The following NECTIN1 variants were observed in gnomAD, a reference collection of about 807,000 sequenced individuals.
NECTIN1 encodes nectin cell adhesion molecule 1.
NECTIN1 carries 23 observed loss-of-function variants against 48.0 expected under a neutral mutation model. The observed-to-expected ratio is 0.48, with a 90% CI of 0.34 to 0.68. The LOEUF is 0.68. Among genes scored for constraint, NECTIN1 ranks in the 30% least tolerant of loss-of-function variants. The pLI is 0.01. For synonymous variants in NECTIN1, 270 were observed against 288.9 expected, an observed-to-expected ratio of 0.93 and a Z score of 0.66; for missense variants, 591 against 709.9, an observed-to-expected ratio of 0.83 and a Z score of 1.90.
chr11:119,642,343 G>T (rs1189367966), intron 5 of NECTIN1: 1 of 152,240 alleles, frequency 6.6e-6, no homozygotes, highest in East Asian at 1.9e-4. Context: ...ATTTCCAGAG[G>T]GCTAGGGTGG....
At chr11:119,670,808 G>A (rs934370421) in intron 5 of NECTIN1, among the ~76,000 whole-genome samples, 1 of 151,882 alleles carries the variant, frequency 6.6e-6, no homozygotes, top group African/African-American at 2.4e-5. Flanking sequence ...TGCCACACCC[G>A]GCTAATATTT....
chr11:119,681,928 G>C (rs568126122), intron 1 of NECTIN1, among the ~76,000 whole-genome samples: 2 of 152,292 alleles, frequency 1.3e-5, no homozygotes, highest in African/African-American at 4.8e-5. Context: ...CAGGGCCAGG[G>C]GAGGTGACCC....
rs1175837262 is a variant in NECTIN1 at position 119,661,099 on chromosome 11, C to A, written c.*3648G>T. 2 of 984,998 alleles carry A rather than the reference C, an allele frequency of 2.0e-6. No individual in the cohort carries two copies. Among genetic ancestry groups the A allele is most frequent in the Non-Finnish European group, 2.4e-6 (2 of 829,332 alleles). The allele number at this position is 984,998 out of a possible 1,614,324, so 61.0% of individuals were successfully genotyped here. ...GTAAAAGGGGGTGATGCAAACACCC[C>A]CCAGGTCAGAACCAGGAGGATCTGC... On this transcript the variant is annotated 3_prime_UTR_variant, in exon 6 of 6. Coordinates refer to ENST00000264025, the MANE Select transcript of NECTIN1 (RefSeq NM_002855.5).
At chr11:119,674,511 TG>T in intron 5 of NECTIN1, 1 of 1,608,886 alleles carries the variant, frequency 6.2e-7, no homozygotes, top group Admixed American at 1.7e-5. Context: ...GTTTTACAGA[TG>T]GTGGGGGGGG....
At chr11:119,671,320 C>A (rs561398391) in intron 5 of NECTIN1, among the ~76,000 whole-genome samples, 5 of 152,126 alleles carry the variant, frequency 3.3e-5, no homozygotes, top group Admixed American at 6.5e-5. Context: ...CTGGCAGGGG[C>A]CCAGCCAGCC....
At chr11:119,717,438 C>G (rs1016464818) in intron 1 of NECTIN1, among the ~76,000 whole-genome samples, 10 of 152,178 alleles carry the variant, frequency 6.6e-5, no homozygotes, top group Admixed American at 6.5e-5. Context: ...GCAGGGCTGG[C>G]CACCCTGCCC....
Position 119,655,058 on chromosome 11 carries a change from C to T in NECTIN1, c.1004-15046G>A, listed in dbSNP as rs1479106674. On this transcript the variant is annotated intron_variant, in intron 5 of 7. Transcript: ENST00000341398. ...CTGAGTAGCTGGGATTACAGGCACC[C>T]ACCACCACGCCTGGCTAATTTTTTG... Among the ~76,000 whole-genome samples, 12 of 151,904 alleles carry T rather than the reference C, an allele frequency of 7.9e-5. No homozygotes were observed. In the South Asian group the frequency reaches 2.3e-3, roughly 29 times the overall value.
At chr11:119,691,242 G>A (rs1422519765) in intron 1 of NECTIN1, among the ~76,000 whole-genome samples, 2 of 152,204 alleles carry the variant, frequency 1.3e-5, no homozygotes, top group African/African-American at 2.4e-5. Context: ...ACCACAGAAC[G>A]AAGCAAACTC....
intron 5 of NECTIN1, among the ~76,000 whole-genome samples, chr11:119,644,232 G>T (rs530123961): frequency 6.6e-6 from 1 of 152,312 alleles, no homozygotes; most frequent in African/African-American, 2.4e-5. Flanking sequence ...TGGTTAGGGG[G>T]TAAACACAGA....
chr11:119,641,027 TACTCACTCACTCCCTCCTCATTC>T (rs1565373539), intron 5 of NECTIN1: 1 of 152,156 alleles, frequency 6.6e-6, no homozygotes, highest in Admixed American at 6.5e-5. Context: ...CTCACTCACT[TACTCACTCACTCCCTCCTCATTC>T]ACTCACTCAC....
chr11:119,709,090 C>A lies in NECTIN1; in HGVS notation c.79+19385G>T, dbSNP rs1865593985. ...CACATAGCCAACATATCGCACATAT[C>A]CTGCATGAGATGCCTGGGACCAGAG... On this transcript the variant is annotated intron_variant, in intron 1 of 5. Transcript: ENST00000264025. This position sits in a 1 kb window ranked among gnomAD's most constrained non-coding sequence, Gnocchi z 4.1. 6.6e-6 allele frequency among the ~76,000 whole-genome samples: 1 copy of A among 152,056 alleles called. No individual in the cohort carries two copies. Among genetic ancestry groups the A allele is most frequent in the Non-Finnish European group, 1.5e-5 (1 of 67,992 alleles).
At chr11:119,695,521 A>T (rs559246509) in intron 1 of NECTIN1, among the ~76,000 whole-genome samples, 52 of 152,312 alleles carry the variant, frequency 3.4e-4, no homozygotes, top group African/African-American at 1.1e-3. Context: ...CCCGGCACGC[A>T]GTAGGCCCTG....
chr11:119,662,803 A>G lies in NECTIN1; in HGVS notation c.*1944T>C. 1 of 986,270 alleles carries G rather than the reference A, an allele frequency of 1.0e-6. No homozygotes were observed. The allele number at this position is 986,270 out of a possible 1,614,324, so 61.1% of individuals were successfully genotyped here. A position where few individuals can be genotyped will look rare whatever the true frequency, so the allele number is the denominator to read the frequency against. On this transcript the variant is annotated 3_prime_UTR_variant, in exon 6 of 6. Transcript: ENST00000264025. The surrounding 1 kb of genome is among the most constrained non-coding windows in gnomAD (Gnocchi z 5.3). ...GCCCTGTGGCTGGAAAGACTCCACAATTTTCTCCCCTAACTTCACCCTATC... is the reference window on the plus strand; with the variant it reads ...GCCCTGTGGCTGGAAAGACTCCACAGTTTTCTCCCCTAACTTCACCCTATC...
intron 1 of NECTIN1, among the ~76,000 whole-genome samples, chr11:119,706,348 C>T (rs1865548687): frequency 2.0e-5 from 3 of 152,200 alleles, no homozygotes; most frequent in Admixed American, 2.0e-4. Context: ...CTGGATCCCA[C>T]AGTGGGGAGG....
In NECTIN1 at chr11:119,663,790, G is replaced by C. The variant is rs1864710953; in HGVS notation, c.*957C>G. 1 of 985,514 alleles carries C rather than the reference G, an allele frequency of 1.0e-6. No homozygotes were observed. Among genetic ancestry groups the C allele is most frequent in the Non-Finnish European group, 1.2e-6 (1 of 829,988 alleles). The allele number at this position is 985,514 out of a possible 1,614,324, so 61.0% of individuals were successfully genotyped here. ...GAGATCCTAGGGTGGAGGCACCGGG[G>C]ACCCAGTCTCAGCTGTCTCTGGAAG... On this transcript the variant is annotated 3_prime_UTR_variant, in exon 6 of 6. Transcript: ENST00000264025.
At chr11:119,659,884 G>A (rs74726468), downstream of NECTIN1, among the ~76,000 whole-genome samples, 1,223 of 152,278 alleles carry the variant, frequency 8.0e-3, 17 homozygotes, top group East Asian at 0.056. Context: ...TAACTTAAAC[G>A]GACAGCCTGG....
Position 119,672,464 on chromosome 11 carries a change from C to T in NECTIN1, c.1003+2695G>A, listed in dbSNP as rs1355901476. On this transcript the variant is annotated intron_variant, in intron 5 of 5. Transcript: ENST00000264025. The surrounding 1 kb of genome is among the most constrained non-coding windows in gnomAD (Gnocchi z 4.3). ...GGCCTCTGAAAGGGGTTCTCTGGGG[C>T]CTGTGCCCACGGAAGCACACACAGA... is the stretch of plus-strand genomic sequence containing the variant. Among the ~76,000 whole-genome samples, 1 of 152,188 alleles carries T rather than the reference C, an allele frequency of 6.6e-6. No homozygotes were observed. Among genetic ancestry groups the T allele is most frequent in the African/African-American group, 2.4e-5 (1 of 41,452 alleles).
Position 119,661,590 on chromosome 11 carries a change from A to C in NECTIN1, c.*3157T>G, listed in dbSNP as rs894752320. The C allele has an allele frequency of 3.6e-5, 35 of 985,764 alleles. No individual in the cohort carries two copies. In the Middle Eastern group the frequency reaches 1.5e-3, roughly 44 times the overall value. 61.1% of individuals were successfully genotyped at this position (985,764 alleles called of 1,614,324 possible). On this transcript the variant is annotated 3_prime_UTR_variant, in exon 6 of 6. Transcript: ENST00000264025. ...TCTGCTTGGCTCAGCAGAGCTGCCC[A>C]CACCCACCTAACACAATTCCCAATT...
rs186343779 is a variant in NECTIN1, at chr11:119,676,440, T to G, written c.851+662A>C. On this transcript the variant is annotated intron_variant, in intron 4 of 5. Transcript: ENST00000264025. Reference sequence around the variant, plus strand: ...GGCAGACTCCTTCTGGGCAGCTGTCTCCTGGCCACCCATATCAACCTTCTC... The same window carrying G: ...GGCAGACTCCTTCTGGGCAGCTGTCGCCTGGCCACCCATATCAACCTTCTC... 2.1e-3 allele frequency among the ~76,000 whole-genome samples: 318 copies of G among 152,366 alleles called. 2 individuals carry two copies. Among genetic ancestry groups the G allele is most frequent in the African/African-American group, 7.2e-3 (301 of 41,590 alleles).
Sources: gnomAD v4.1 joint callset for allele counts (sites outside exome capture counted in the v4.1 genomes callset) on GRCh38, gnomAD v4.1.1 for gene constraint, Gnocchi (gnomAD v3.1) non-coding constraint, MANE v1.5 for transcripts, NCBI Gene and HGNC (gene_info 2026-07-23, HGNC 2026-07-21) for gene names.